Variants in PIPOX observed in about 807,000 individuals in gnomAD.
PIPOX encodes the protein pipecolic acid and sarcosine oxidase.
PIPOX carries 45 observed loss-of-function variants against 47.9 expected under a neutral mutation model. That is an observed-to-expected ratio of 0.94 (90% confidence interval 0.74 to 1.20). PIPOX has a LOEUF of 1.20. Ranked by LOEUF, PIPOX falls within the 50% of genes most tolerant of loss-of-function variation. PIPOX has a pLI of 0.00. For synonymous variants in PIPOX, 165 were observed against 191.3 expected, an observed-to-expected ratio of 0.86 and a Z score of 1.13; for missense variants, 458 against 498.4, an observed-to-expected ratio of 0.92 and a Z score of 0.77.
intron 4 of PIPOX, 55 bp from the exon 5 acceptor site, chr17:29,054,490 T>C (rs910148296): frequency 2.5e-6 from 4 of 1,600,990 alleles, no homozygotes; most frequent in Non-Finnish European, 3.4e-6. Context: ...CTGCTTTCAT[T>C]GCTGTAGAGT....
At position 29,053,045 on chromosome 17, in the gene PIPOX, C is replaced by T. The variant is rs17856771; in HGVS notation, c.389C>T (p.Pro130Leu). Reference sequence around the variant, plus strand: ...TCTGAGGAACTGAAGCAACGTTTCCCAAATATTCGGTTGCCCAGGGGAGAA... The same window carrying T: ...TCTGAGGAACTGAAGCAACGTTTCCTAAATATTCGGTTGCCCAGGGGAGAA... ...LSSEELKQRF[P>L]NIRLPRGEVG... The change falls in exon 3 of 8, where the codon CCA becomes CTA. Residue 130 changes from proline (P) to leucine (L), a missense_variant. Transcript: ENST00000323372. 5 of 1,614,220 alleles carry T rather than the reference C, an allele frequency of 3.1e-6. No individual in the cohort carries two copies. Among genetic ancestry groups the T allele is most frequent in the Non-Finnish European group, 4.2e-6 (5 of 1,180,034 alleles).
chr17:29,054,162 GACAGAGCA>G (rs1420617198), intron 4 of PIPOX, among the ~76,000 whole-genome samples: 52 of 152,182 alleles, frequency 3.4e-4, no homozygotes, highest in Admixed American at 3.3e-3. Context: ...CAGTCTGGGT[GACAGAGCA>G]AGACCCTGTC....
At chr17:29,047,230 C>T (rs2065788835) in intron 2 of PIPOX, among the ~76,000 whole-genome samples, 1 of 152,018 alleles carries the variant, frequency 6.6e-6, no homozygotes, top group Non-Finnish European at 1.5e-5. Context: ...GCAGAGGTTG[C>T]AGTGAGCCGA....
intron 2 of PIPOX, chr17:29,051,839 C>A: frequency 4.6e-6 from 2 of 430,806 alleles, no homozygotes; most frequent in South Asian, 1.8e-5. Context: ...GCATCCCGGG[C>A]CCCTGCCCAC....
chr17:29,049,317 G>A (rs1474885885), intron 2 of PIPOX, among the ~76,000 whole-genome samples: 1 of 151,960 alleles, frequency 6.6e-6, no homozygotes, highest in African/African-American at 2.4e-5. Flanking sequence ...TTCATTTCCC[G>A]GTCATTTTTT....
intron 2 of PIPOX, among the ~76,000 whole-genome samples, chr17:29,047,526 G>A (rs1258612764): frequency 6.6e-6 from 1 of 152,178 alleles, no homozygotes; most frequent in Non-Finnish European, 1.5e-5. Context: ...GCCTTTGCAG[G>A]CAACGTGGTC....
rs1289216419 is a variant in PIPOX at position 29,055,878 on chromosome 17, T to C, written c.1032T>C (p.Ala344=). The part of the protein sequence containing the change: ...HPKYDNIVIG[A]GFSGHGFKLA... ...AGTATGACAACATTGTCATTGGTGC[T>C]GGATTCTCTGGTGAGTCTGAGCTGG... The change falls in exon 7 of 8, where the codon GCT becomes GCC. Residue 344 remains alanine, a synonymous_variant. Transcript: ENST00000323372. The C allele has an allele frequency of 6.2e-7, 1 of 1,613,786 alleles. No homozygotes were observed. The highest frequency in any genetic ancestry group is 1.7e-5 in the Admixed American group (1 of 60,004).
At chr17:29,052,011 G>C (rs770079573) in intron 2 of PIPOX, 1 of 471,168 alleles carries the variant, frequency 2.1e-6, no homozygotes, top group Admixed American at 2.3e-5. Flanking sequence ...GGCCCAGAGA[G>C]GTGAGTGACC....
Position 29,055,101 on chromosome 17 carries a change from G to A in PIPOX, c.846G>A (p.Glu282=), listed in dbSNP as rs114162436. 674 of 1,614,174 alleles carry A rather than the reference G, an allele frequency of 4.2e-4. 6 individuals carry two copies. The African/African-American group carries it at 8.3e-3, about 20-fold the overall frequency. Residue 282 remains glutamate (E), a synonymous_variant, in exon 6 of 8, where the codon GAG becomes GAA. Transcript: ENST00000323372. ...ACGGCAACCACGCAGACCCTGAGGA[G>A]CGGGACTGCCCCACAGCACGCACAG... ...YHHGNHADPE[E]RDCPTARTDI...
intron 2 of PIPOX, chr17:29,046,669 G>A: frequency 2.0e-6 from 2 of 985,404 alleles, no homozygotes; most frequent in Non-Finnish European, 2.4e-6. Context: ...CAGATACCAA[G>A]GGGAGTGGCA....
At chr17:29,044,237 T>C (rs142125447) in intron 1 of PIPOX, 1 of 152,360 alleles carries the variant, frequency 6.6e-6, no homozygotes, top group East Asian at 1.9e-4. Flanking sequence ...AGTTTCCTTG[T>C]TCATAAAATG....
Position 29,053,466 on chromosome 17 carries a change from G to A in PIPOX, c.531G>A (p.Glu177=). ...TGCGTGACGGAGAGAAGGTGGTGGA[G>A]ATAAACCCAGGGCTACTGGTCACGG... is the stretch of plus-strand genomic sequence containing the variant. ...GIVRDGEKVV[E]INPGLLVTVK... The change falls in exon 4 of 8, where the codon GAG becomes GAA. Residue 177 remains glutamate (E), a synonymous_variant. Coordinates refer to ENST00000323372, the MANE Select transcript of PIPOX (RefSeq NM_016518.3). The A allele has an allele frequency of 6.2e-7, 1 of 1,614,188 alleles. No individual in the cohort carries two copies. The highest frequency in any genetic ancestry group is 8.5e-7 in the Non-Finnish European group (1 of 1,180,008).
At chr17:29,048,122 A>G (rs1221292792) in intron 2 of PIPOX, among the ~76,000 whole-genome samples, 1 of 152,224 alleles carries the variant, frequency 6.6e-6, no homozygotes, top group Non-Finnish European at 1.5e-5. Flanking sequence ...GCAGGGACAC[A>G]GAGCAGATAC....
intron 2 of PIPOX, among the ~76,000 whole-genome samples, chr17:29,052,225 G>A (rs1339988206): frequency 6.6e-5 from 10 of 152,238 alleles, no homozygotes; most frequent in Non-Finnish European, 1.5e-4. Flanking sequence ...GATCAAAATA[G>A]TGAATGGGAT....
intron 3 of PIPOX, 61 bp from the exon 4 acceptor site, chr17:29,053,352 T>G: frequency 6.5e-7 from 1 of 1,527,326 alleles, no homozygotes; most frequent in Admixed American, 1.9e-5. Flanking sequence ...AAAGGCTTTC[T>G]GTCCACCAGG....
At chr17:29,054,829 G>A in intron 5 of PIPOX, 138 bp downstream of exon 5, 1 of 1,148,714 alleles carries the variant, frequency 8.7e-7, no homozygotes, top group Non-Finnish European at 1.2e-6. Flanking sequence ...GATTTGCAAG[G>A]AAAGACCCTC....
chr17:29,053,043 C>T lies in PIPOX; in HGVS notation c.387C>T (p.Phe129=), dbSNP rs2065812650. 6.2e-7 allele frequency: 1 copy of T among 1,614,126 alleles called. No individual in the cohort carries two copies. The highest frequency in any genetic ancestry group is 1.3e-5 in the African/African-American group (1 of 74,940). ...CLSSEELKQR[F]PNIRLPRGEV... ...CATCTGAGGAACTGAAGCAACGTTT[C>T]CCAAATATTCGGTTGCCCAGGGGAG... Residue 129 remains phenylalanine, a synonymous_variant, in exon 3 of 8, where the codon TTC becomes TTT. Transcript: ENST00000323372.
In PIPOX at chr17:29,054,691, G is replaced by A; in HGVS notation, c.807G>A (p.Lys269=). ...LPTGEYPGLM[K]VSYHHGNHAD... ...CAGGAGAGTACCCAGGGCTGATGAA[G>A]GTGAGCGGAAAGACCGAGATAAGGC... Residue 269 remains lysine, a splice_region_variant and synonymous_variant, in exon 5 of 8, where the codon AAG becomes AAA. Transcript: ENST00000323372. 1.2e-6 allele frequency: 2 copies of A among 1,613,560 alleles called. No individual in the cohort carries two copies. The highest frequency in any genetic ancestry group is 8.5e-7 in the Non-Finnish European group (1 of 1,179,574).
At chr17:29,055,267 G>A in intron 6 of PIPOX, 46 bp downstream of exon 6, 2 of 1,608,528 alleles carry the variant, frequency 1.2e-6, no homozygotes, top group Non-Finnish European at 1.7e-6. Flanking sequence ...CCACTCTACA[G>A]AAGGGAAGAA....
Sources: allele counts gnomAD v4.1 joint callset (sites outside exome capture counted in the v4.1 genomes callset), GRCh38; gene constraint gnomAD v4.1.1; transcripts MANE v1.5; gene names NCBI Gene and HGNC (gene_info 2026-07-23, HGNC 2026-07-21).